Variants in CTNNA2 observed in about 807,000 individuals in gnomAD.
CTNNA2 encodes the protein catenin alpha 2, also known as catenin alpha-2.
A neutral mutation model predicts 101.0 loss-of-function variants in CTNNA2; 42 were observed. The observed-to-expected ratio is 0.42, with a 90% CI of 0.32 to 0.54. The LOEUF (loss-of-function observed/expected upper bound fraction) is 0.54. Among genes scored for constraint, CTNNA2 ranks in the 20% least tolerant of loss-of-function variants. The probability of loss-of-function intolerance (pLI) is 0.14; values close to 1 mark genes in which losing one functional copy is unlikely to be tolerated. For synonymous variants in CTNNA2, 450 were observed against 456.4 expected (o/e 0.99, Z 0.18); for missense variants, 871 against 1,223.1 (o/e 0.71, Z 4.29).
chr2:79,714,140 A>G (rs1239456449), intron 2 of CTNNA2, among the ~76,000 whole-genome samples: 1 of 152,116 alleles, frequency 6.6e-6, no homozygotes, highest in Non-Finnish European at 1.5e-5. Flanking sequence ...TCATTTCCAA[A>G]CATGAGTTAT....
chr2:79,491,858 G>A (rs1415255275), intron 4 of CTNNA2, among the ~76,000 whole-genome samples: 2 of 152,118 alleles, frequency 1.3e-5, no homozygotes, highest in African/African-American at 4.8e-5. Flanking sequence ...TTAAAAATCT[G>A]ATTCAAGTAC....
chr2:79,503,092 G>A (rs1230411537), intron 4 of CTNNA2, among the ~76,000 whole-genome samples: 2 of 152,124 alleles, frequency 1.3e-5, no homozygotes, highest in African/African-American at 4.8e-5. Flanking sequence ...GCAACCACCT[G>A]GTATCAGAGT....
At chr2:79,677,122 G>C (rs929283837) in intron 2 of CTNNA2, among the ~76,000 whole-genome samples, 2 of 152,124 alleles carry the variant, frequency 1.3e-5, no homozygotes, top group Non-Finnish European at 2.9e-5. Context: ...TTTCAAATAA[G>C]TTACAGTTAT....
At chr2:80,313,580 C>G in intron 7 of CTNNA2, 3 of 1,610,806 alleles carry the variant, frequency 1.9e-6, no homozygotes, top group Non-Finnish European at 2.5e-6. Flanking sequence ...ATGGAGAAGG[C>G]CACTCCAGTC....
intron 2 of CTNNA2, among the ~76,000 whole-genome samples, chr2:79,714,250 A>G (rs139697584): frequency 1.3e-5 from 2 of 152,148 alleles, no homozygotes; most frequent in East Asian, 3.9e-4. Context: ...CATAATTAAT[A>G]CTACAGTACT....
At chr2:79,804,903 G>T (rs2105312759) in intron 3 of CTNNA2, among the ~76,000 whole-genome samples, 1 of 152,312 alleles carries the variant, frequency 6.6e-6, no homozygotes, top group East Asian at 1.9e-4. Context: ...AAGTGTCAGA[G>T]AAATCTTTTA....
At chr2:80,337,447 G>C (rs1671851777) in intron 7 of CTNNA2, among the ~76,000 whole-genome samples, 1 of 151,628 alleles carries the variant, frequency 6.6e-6, no homozygotes. Flanking sequence ...TGCTCTATTT[G>C]ACTACACTCC....
At chr2:80,110,715 T>G (rs1701164342) in intron 7 of CTNNA2, among the ~76,000 whole-genome samples, 1 of 152,212 alleles carries the variant, frequency 6.6e-6, no homozygotes, top group Admixed American at 6.5e-5. Flanking sequence ...TCTTCAGAAT[T>G]TCCAGGTCTT....
At chr2:79,938,827 A>G (rs528733999) in intron 7 of CTNNA2, among the ~76,000 whole-genome samples, 3 of 152,318 alleles carry the variant, frequency 2.0e-5, no homozygotes, top group African/African-American at 4.8e-5. Context: ...GATCAGATAA[A>G]TTAGATTTTA....
chr2:79,364,411 C>T (rs1270994204), intron 3 of CTNNA2, among the ~76,000 whole-genome samples: 5 of 152,296 alleles, frequency 3.3e-5, no homozygotes, highest in Middle Eastern at 3.4e-3. Context: ...AGGAGATCCA[C>T]AAATATGTTG....
chr2:80,123,221 C>T lies in CTNNA2; in HGVS notation c.1056+213424C>T, dbSNP rs116734289. Among the ~76,000 whole-genome samples, 422 of 152,274 alleles carry T rather than the reference C, an allele frequency of 2.8e-3. 1 individual carries two copies. The highest frequency in any genetic ancestry group is 9.7e-3 in the African/African-American group (404 of 41,552). On this transcript the variant is annotated intron_variant, in intron 7 of 18. Transcript: ENST00000402739. ...TGCCTCATTCAGCTCCCAAGCATTT[C>T]GTTCTTTTCTTATTTTCTGCAGTTT...
chr2:79,952,904 G>A (rs759935863), intron 7 of CTNNA2, among the ~76,000 whole-genome samples: 5 of 152,164 alleles, frequency 3.3e-5, no homozygotes, highest in Non-Finnish European at 4.4e-5. Flanking sequence ...GAATGTATGC[G>A]TGAAGCTATG....
intron 7 of CTNNA2, among the ~76,000 whole-genome samples, chr2:80,246,086 G>A (rs1398421762): frequency 6.6e-6 from 1 of 152,072 alleles, no homozygotes; most frequent in Non-Finnish European, 1.5e-5. Flanking sequence ...GATCCACCAT[G>A]CTTGGCCTAT....
chr2:80,484,658 T>C (rs765688399), intron 9 of CTNNA2, among the ~76,000 whole-genome samples: 2 of 152,152 alleles, frequency 1.3e-5, no homozygotes, highest in Non-Finnish European at 2.9e-5. Context: ...ATGGAACTCA[T>C]TCTGTGATAA....
chr2:80,043,521 T>C (rs1328936025), intron 7 of CTNNA2, among the ~76,000 whole-genome samples: 1 of 152,102 alleles, frequency 6.6e-6, no homozygotes, highest in Non-Finnish European at 1.5e-5. Context: ...TTTCATAAGG[T>C]GTCCCTCAGA....
At chr2:80,202,119 A>G (rs919734199) in intron 7 of CTNNA2, among the ~76,000 whole-genome samples, 1 of 152,212 alleles carries the variant, frequency 6.6e-6, no homozygotes, top group Non-Finnish European at 1.5e-5. Context: ...CAGAATATGC[A>G]TATGACTATA....
chr2:79,210,088 TTGTGTGTGTGTGTGTG>T (rs59836500), intron 2 of CTNNA2, among the ~76,000 whole-genome samples: 3 of 144,788 alleles, frequency 2.1e-5, no homozygotes, highest in Non-Finnish European at 4.5e-5. Context: ...TCAAGCTATA[TTGTGTGTGTGTGTGTG>T]TGTGTGTGTG....
At chr2:79,498,103 G>A (rs1172021242) in intron 4 of CTNNA2, 2 of 152,142 alleles carry the variant, frequency 1.3e-5, no homozygotes, top group African/African-American at 2.4e-5. Flanking sequence ...ACATGTACAC[G>A]TATATCTTTC....
At chr2:79,651,908 G>T (rs1287705177) in intron 2 of CTNNA2, among the ~76,000 whole-genome samples, 1 of 152,138 alleles carries the variant, frequency 6.6e-6, no homozygotes, top group African/African-American at 2.4e-5. Flanking sequence ...CCTTGGTGAA[G>T]GGGGCCCTCA....
Sources: gnomAD v4.1 joint callset for allele counts (sites outside exome capture counted in the v4.1 genomes callset) on GRCh38, gnomAD v4.1.1 for gene constraint, MANE v1.5 for transcripts, NCBI Gene and HGNC (gene_info 2026-07-23, HGNC 2026-07-21) for gene names.